Variants in MPRIP observed in about 807,000 individuals in gnomAD.
MPRIP encodes myosin phosphatase Rho interacting protein.
Under a neutral mutation model 234.9 loss-of-function variants are expected in MPRIP, and 59 were observed. That is an observed-to-expected ratio of 0.25 (90% CI 0.20 to 0.31). The LOEUF (loss-of-function observed/expected upper bound fraction) is 0.31, where lower values mean the gene tolerates loss of function less well. Among genes scored for constraint, MPRIP ranks in the 10% least tolerant of loss-of-function variants. The pLI is 1.00. For synonymous variants in MPRIP, 1,144 were observed against 1,263.9 expected, an observed-to-expected ratio of 0.91 and a Z score of 2.01; for missense variants, 2,436 against 3,071.0, an observed-to-expected ratio of 0.79 and a Z score of 4.89.
chr17:17,087,132 T>C (rs1276624039), intron 3 of MPRIP, among the ~76,000 whole-genome samples: 1 of 152,132 alleles, frequency 6.6e-6, no homozygotes, highest in Non-Finnish European at 1.5e-5. Context: ...CATGGGACTG[T>C]GTGGACCAAA....
rs555708697 is a variant in MPRIP at position 17,165,106 on chromosome 17, G to A, written c.3515G>A (p.Arg1172His). ...LLREKEEELE[R>H]IKEAHEKVLE... ...AGAGAGAAGGAGGAAGAGCTGGAGC[G>A]CATTAAGGAAGCACATGAGAAGGTT... The change falls in exon 16 of 24, where the codon CGC (arginine) becomes CAC (histidine). Residue 1172 changes from arginine (R) to histidine (H), a missense_variant. Transcript: ENST00000651222. The A allele has an allele frequency of 6.4e-5, 83 of 1,304,040 alleles. No homozygotes were observed. The highest frequency in any genetic ancestry group is 5.3e-4 in the African/African-American group (35 of 65,994). The allele number at this position is 1,304,040 out of a possible 1,614,324, so 80.8% of individuals were successfully genotyped here.
intron 16 of MPRIP, among the ~76,000 whole-genome samples, chr17:17,170,491 C>T (rs781441484): frequency 7.9e-5 from 12 of 152,296 alleles, no homozygotes; most frequent in Non-Finnish European, 1.5e-4. Context: ...AGACTGACCA[C>T]GAGTTTGGAA....
intron 3 of MPRIP, among the ~76,000 whole-genome samples, chr17:17,105,014 C>T (rs993097605): frequency 2.6e-5 from 4 of 152,146 alleles, no homozygotes; most frequent in African/African-American, 9.7e-5. Flanking sequence ...TCCCAGGTAT[C>T]CACTGGGCGT....
chr17:17,096,715 G>GTCC (rs879066672), intron 3 of MPRIP: 72 of 470,628 alleles, frequency 1.5e-4, no homozygotes, highest in South Asian at 1.1e-3. Flanking sequence ...GCTCAGCCCT[G>GTCC]TCCTTACCCA....
At chr17:17,173,870 C>T (rs370624619) in intron 18 of MPRIP, 46 bp from the exon 19 acceptor site, 2 of 1,611,402 alleles carry the variant, frequency 1.2e-6, no homozygotes, top group African/African-American at 2.7e-5. Context: ...CTCTGAGAGG[C>T]CTTGTCCAGA....
intron 7 of MPRIP, among the ~76,000 whole-genome samples, chr17:17,141,221 GC>G (rs1401599030): frequency 7.9e-5 from 12 of 152,178 alleles, no homozygotes; most frequent in Non-Finnish European, 5.9e-5. Flanking sequence ...CCTGGAAGTG[GC>G]CTGTTGGTGA....
chr17:17,096,665 A>G (rs1012311096), intron 3 of MPRIP: 28 of 439,402 alleles, frequency 6.4e-5, no homozygotes, highest in African/African-American at 2.4e-4. Flanking sequence ...CACAGCTGAT[A>G]CTCCGGCTGC....
At chr17:17,120,430 C>T (rs900195586) in intron 3 of MPRIP, among the ~76,000 whole-genome samples, 11 of 152,184 alleles carry the variant, frequency 7.2e-5, no homozygotes, top group African/African-American at 2.7e-4. Context: ...GGCTGCAGTG[C>T]ACAGAGCTTC....
In MPRIP at chr17:17,184,970, A is replaced by T; in HGVS notation, c.*76A>T. On this transcript the variant is annotated 3_prime_UTR_variant, in exon 24 of 24. Transcript: ENST00000651222. ...ACCCCAAGCGCTGCTTTTCACCTGT[A>T]CCTTTGTTTTATTATTATTATTATT... is the stretch of plus-strand genomic sequence containing the variant. The T allele has an allele frequency of 1.1e-6, 1 of 942,538 alleles. No individual in the cohort carries two copies. The highest frequency in any genetic ancestry group is 1.7e-6 in the Non-Finnish European group (1 of 579,406). 58.4% of individuals were successfully genotyped at this position (942,538 alleles called of 1,614,324 possible).
chr17:17,160,250 C>T (rs1044931170), intron 14 of MPRIP, among the ~76,000 whole-genome samples: 23 of 152,220 alleles, frequency 1.5e-4, no homozygotes, highest in African/African-American at 5.3e-4. Flanking sequence ...CCTGTAGTCC[C>T]AGCTACTTGG....
At chr17:17,150,023 T>C in intron 11 of MPRIP, 121 bp from the exon 12 acceptor site, 1 of 726,074 alleles carries the variant, frequency 1.4e-6, no homozygotes, top group Non-Finnish European at 2.5e-6. Context: ...GTGTCCTCAC[T>C]TGTCAGTGTG....
At chr17:17,043,026 G>A in intron 1 of MPRIP, 55 bp downstream of exon 1, 1 of 1,558,974 alleles carries the variant, frequency 6.4e-7, no homozygotes, top group Non-Finnish European at 8.8e-7. Context: ...CGGGTCGGCG[G>A]CCGGGGCGCC....
chr17:17,087,227 TA>T (rs2089611319), intron 3 of MPRIP, among the ~76,000 whole-genome samples: 1 of 151,876 alleles, frequency 6.6e-6, no homozygotes, highest in Admixed American at 6.6e-5. Flanking sequence ...GAAGCTTAGC[TA>T]GGGGGAGGGG....
rs537794736 is a variant in MPRIP, at chr17:17,170,581, C to A, written c.6325-1137C>A. 3.9e-5 allele frequency among the ~76,000 whole-genome samples: 6 copies of A among 152,356 alleles called. No homozygotes were observed. The East Asian group carries it at 1.2e-3, about 29-fold the overall frequency. On this transcript the variant is annotated intron_variant, in intron 16 of 23. Transcript: ENST00000651222. Reference sequence around the variant, plus strand: ...ATGCCCAGGCATGCTGATAGGATTTCTTGGTATCCTTTCTTGAATCCACAT... The same window carrying A: ...ATGCCCAGGCATGCTGATAGGATTTATTGGTATCCTTTCTTGAATCCACAT...
chr17:17,092,324 G>A (rs560585986), intron 3 of MPRIP, among the ~76,000 whole-genome samples: 2 of 152,362 alleles, frequency 1.3e-5, no homozygotes, highest in South Asian at 2.1e-4. Context: ...GAATTTTAGG[G>A]AAGGGGAGTG....
chr17:17,068,033 C>CA (rs1466685386), intron 1 of MPRIP, among the ~76,000 whole-genome samples: 1 of 152,000 alleles, frequency 6.6e-6, no homozygotes, highest in African/African-American at 2.4e-5. Context: ...TAGTATTCCT[C>CA]ATTATCCCTT....
In MPRIP at chr17:17,165,800, G is replaced by A. The variant is rs780807486; in HGVS notation, c.4209G>A (p.Arg1403=). 6.9e-6 allele frequency: 9 copies of A among 1,304,256 alleles called. No homozygotes were observed. The African/African-American group carries it at 1.4e-4, about 20-fold the overall frequency. The allele number at this position is 1,304,256 out of a possible 1,614,324, so 80.8% of individuals were successfully genotyped here. The change falls in exon 16 of 24, where the codon AGG becomes AGA. Residue 1403 remains arginine, a synonymous_variant. Coordinates refer to ENST00000651222, the MANE Select transcript of MPRIP (RefSeq NM_001364716.4). ...TEEKLKDVTV[R]LESQQGQSRE... ...AAAAGCTCAAAGACGTGACCGTGAG[G>A]CTGGAGAGCCAGCAGGGTCAGAGCC...
Position 17,146,169 on chromosome 17 carries a change from G to A in MPRIP, c.1560+77G>A, listed in dbSNP as rs972826362. 2.2e-6 allele frequency: 3 copies of A among 1,349,054 alleles called. No homozygotes were observed. In the Admixed American group the frequency reaches 5.3e-5, roughly 24 times the overall value. 83.6% of individuals were successfully genotyped at this position (1,349,054 alleles called of 1,614,324 possible). A position where few individuals can be genotyped will look rare whatever the true frequency, so the allele number is the denominator to read the frequency against. On this transcript the variant is annotated intron_variant, in intron 10 of 23. Coordinates refer to ENST00000651222, the MANE Select transcript of MPRIP (RefSeq NM_001364716.4). Reference sequence around the variant, plus strand: ...GGTGAGCTGTCCTTGTCCCCAGCCAGTCTGCAAGTGCTGGCTCCATGCCTT... The same window carrying A: ...GGTGAGCTGTCCTTGTCCCCAGCCAATCTGCAAGTGCTGGCTCCATGCCTT...
At chr17:17,062,380 C>G (rs1441388781) in intron 1 of MPRIP, among the ~76,000 whole-genome samples, 1 of 152,192 alleles carries the variant, frequency 6.6e-6, no homozygotes, top group East Asian at 1.9e-4. Flanking sequence ...AAGCAAAAGC[C>G]CCCAAACCTG....
Sources: gnomAD v4.1 joint callset for allele counts (sites outside exome capture counted in the v4.1 genomes callset) on GRCh38, gnomAD v4.1.1 for gene constraint, MANE v1.5 for transcripts, NCBI Gene and HGNC (gene_info 2026-07-23, HGNC 2026-07-21) for gene names.